The following SLC9A9 variants were observed in gnomAD, a reference collection of about 807,000 sequenced individuals.
SLC9A9 encodes the protein solute carrier family 9 member A9.
A neutral mutation model predicts 77.8 loss-of-function variants in SLC9A9; 62 were observed. The observed-to-expected ratio is 0.80, with a 90% confidence interval of 0.65 to 0.98. SLC9A9 has a LOEUF of 0.98. Among genes scored for constraint, SLC9A9 ranks in the 50% least tolerant of loss-of-function variants. SLC9A9 has a pLI of 0.00. For missense variants in SLC9A9, 775 were observed against 774.9 expected (o/e 1.00, Z 0.00); for synonymous variants, 320 against 283.5 (o/e 1.13, Z -1.29).
At chr3:143,700,676 G>A (rs77691291) in intron 4 of SLC9A9, among the ~76,000 whole-genome samples, 5,570 of 152,306 alleles carry the variant, frequency 0.037, 153 homozygotes, top group South Asian at 0.066. Context: ...GACTTGTAAG[G>A]ATTTTGACTC....
At chr3:143,774,134 A>G in intron 4 of SLC9A9, among the ~76,000 whole-genome samples, 1 of 152,222 alleles carries the variant, frequency 6.6e-6, no homozygotes, top group Middle Eastern at 3.2e-3. Flanking sequence ...ACTAGTAAAC[A>G]TCTATTTATG....
At chr3:143,784,604 C>T (rs1456254471) in intron 4 of SLC9A9, among the ~76,000 whole-genome samples, 1 of 151,734 alleles carries the variant, frequency 6.6e-6, no homozygotes, top group Non-Finnish European at 1.5e-5. Context: ...AGTGCTCCAC[C>T]TGCCTCAGCC....
chr3:143,652,311 G>A lies in SLC9A9; in HGVS notation c.699C>T (p.Tyr233=), dbSNP rs1487234004. The A allele has an allele frequency of 1.2e-6, 2 of 1,613,322 alleles. No individual in the cohort carries two copies. The highest frequency in any genetic ancestry group is 1.3e-5 in the African/African-American group (1 of 74,928). Residue 233 remains tyrosine, a synonymous_variant, in exon 6 of 16, where the codon TAC becomes TAT. Coordinates refer to ENST00000316549, the MANE Select transcript of SLC9A9 (RefSeq NM_173653.4). ...FHELHVDPDL[Y]TLLFGESVLN... ...ACACACTCTCTCCAAACAAGAGTGT[G>A]TACAGGTCAGGGTCGACGTGCAGTT...
At chr3:143,470,388 G>A (rs924989349) in intron 11 of SLC9A9, among the ~76,000 whole-genome samples, 4 of 151,534 alleles carry the variant, frequency 2.6e-5, no homozygotes, top group African/African-American at 9.7e-5. Context: ...GCTGAGGCAG[G>A]AGAATCACTT....
At chr3:143,404,271 T>C (rs1485295947) in intron 12 of SLC9A9, among the ~76,000 whole-genome samples, 1 of 151,912 alleles carries the variant, frequency 6.6e-6, no homozygotes, top group Admixed American at 6.6e-5. Flanking sequence ...CCTCCTGGGT[T>C]TGAGTGATTC....
intron 2 of SLC9A9, among the ~76,000 whole-genome samples, chr3:143,825,656 T>C (rs920878752): frequency 2.6e-5 from 4 of 152,188 alleles, no homozygotes; most frequent in African/African-American, 9.7e-5. Context: ...GCAGTGTAAC[T>C]CACTTCAAAG....
At chr3:143,795,605 G>T (rs763015393) in intron 3 of SLC9A9, among the ~76,000 whole-genome samples, 1 of 152,168 alleles carries the variant, frequency 6.6e-6, no homozygotes, top group Non-Finnish European at 1.5e-5. Flanking sequence ...GGTGGCTCAC[G>T]CCTGTAATTC....
chr3:143,469,609 TA>T (rs1294371578), intron 11 of SLC9A9, among the ~76,000 whole-genome samples: 1 of 152,210 alleles, frequency 6.6e-6, no homozygotes, highest in East Asian at 1.9e-4. Flanking sequence ...GTTCTCAACT[TA>T]GAATATAACG....
chr3:143,563,534 T>C (rs2037121249), intron 8 of SLC9A9, among the ~76,000 whole-genome samples: 1 of 152,152 alleles, frequency 6.6e-6, no homozygotes. Flanking sequence ...GCCTCGTCCA[T>C]TGCTTTCTCC....
chr3:143,442,554 C>G (rs2034763476), intron 12 of SLC9A9, among the ~76,000 whole-genome samples: 1 of 152,216 alleles, frequency 6.6e-6, no homozygotes, highest in South Asian at 2.1e-4. Flanking sequence ...AACCCCGTCT[C>G]TACTAAAAAT....
intron 8 of SLC9A9, among the ~76,000 whole-genome samples, chr3:143,564,499 C>CA (rs1340117476): frequency 1.9e-4 from 29 of 152,042 alleles, no homozygotes; most frequent in Non-Finnish European, 1.5e-5. Flanking sequence ...GTTATTCTTC[C>CA]ATGCCACACT....
chr3:143,831,861 G>T (rs1237734102), intron 2 of SLC9A9, among the ~76,000 whole-genome samples, 158 bp downstream of exon 2: 1 of 152,132 alleles, frequency 6.6e-6, no homozygotes, highest in African/African-American at 2.4e-5. Flanking sequence ...GTATAACTCA[G>T]GGTTTGACTC....
intron 12 of SLC9A9, among the ~76,000 whole-genome samples, chr3:143,429,675 G>A (rs1475973400): frequency 3.9e-5 from 6 of 152,202 alleles, no homozygotes; most frequent in African/African-American, 1.4e-4. Flanking sequence ...CCTGCTTGCA[G>A]AGGTCTGAGA....
At chr3:143,655,729 T>C in intron 5 of SLC9A9, 2 of 779,000 alleles carry the variant, frequency 2.6e-6, no homozygotes, top group Non-Finnish European at 3.1e-6. Context: ...CCCCTACCTC[T>C]AGGTAAGCAT....
At chr3:143,484,975 A>G (rs1399160859) in intron 11 of SLC9A9, among the ~76,000 whole-genome samples, 1 of 152,218 alleles carries the variant, frequency 6.6e-6, no homozygotes, top group East Asian at 1.9e-4. Flanking sequence ...TGATGTAACT[A>G]TTTTGGAATT....
chr3:143,493,767 G>A lies in SLC9A9; in HGVS notation c.1204-3C>T. 1.9e-6 allele frequency: 3 copies of A among 1,598,750 alleles called. No individual in the cohort carries two copies. Among genetic ancestry groups the A allele is most frequent in the Non-Finnish European group, 2.6e-6 (3 of 1,166,050 alleles). ...GCTCTGGCAACAAAAATTGCTAGCT[G>A]TAGATAAGCACAGGGAAACATTGAG... On this transcript the variant is annotated splice_region_variant and splice_polypyrimidine_tract_variant and intron_variant, in intron 10 of 15. Transcript: ENST00000316549.
intron 6 of SLC9A9, among the ~76,000 whole-genome samples, chr3:143,604,399 T>C (rs537028738): frequency 1.1e-4 from 17 of 152,284 alleles, no homozygotes; most frequent in Admixed American, 9.2e-4. Context: ...TGAAGAGCTA[T>C]GTGGAGAACC....
In SLC9A9 at chr3:143,470,865, G is replaced by A. The variant is rs141286719; in HGVS notation, c.1316-3675C>T. ...TTAAATCTAAATTATCTATACATGA[G>A]CAATTCTTGGTTTAAAAATATACTC... is the stretch of plus-strand genomic sequence containing the variant. On this transcript the variant is annotated intron_variant, in intron 11 of 15. Transcript: ENST00000316549. Among the ~76,000 whole-genome samples the A allele has an allele frequency of 1.8e-4, 27 of 152,200 alleles. No homozygotes were observed. The East Asian group carries it at 5.2e-3, about 29-fold the overall frequency.
At chr3:143,828,048 G>A (rs756487687) in intron 2 of SLC9A9, among the ~76,000 whole-genome samples, 1 of 152,126 alleles carries the variant, frequency 6.6e-6, no homozygotes, top group Non-Finnish European at 1.5e-5. Context: ...CCAGTAGTGT[G>A]GGGTATAATA....
Sources: allele counts gnomAD v4.1 joint callset (sites outside exome capture counted in the v4.1 genomes callset), GRCh38; gene constraint gnomAD v4.1.1; transcripts MANE v1.5; gene names NCBI Gene and HGNC (gene_info 2026-07-23, HGNC 2026-07-21).